The following ZSCAN2 variants were observed in gnomAD, a reference collection of about 807,000 sequenced individuals.
ZSCAN2 encodes zinc finger and SCAN domain-containing protein 2.
ZSCAN2 carries 26 observed loss-of-function variants against 47.8 expected under a neutral mutation model. That is an observed-to-expected ratio of 0.54 (90% confidence interval 0.40 to 0.75). The LOEUF (loss-of-function observed/expected upper bound fraction) is 0.75, where lower values mean the gene tolerates loss of function less well. Ranked by LOEUF, ZSCAN2 falls within the 30% of genes least tolerant of loss-of-function variation. ZSCAN2 has a pLI of 0.00. For missense variants in ZSCAN2, 732 were observed against 785.4 expected, an observed-to-expected ratio of 0.93 and a Z score of 0.81; for synonymous variants, 305 against 288.7, an observed-to-expected ratio of 1.06 and a Z score of -0.57.
chr15:84,621,246 A>G lies in ZSCAN2; in HGVS notation c.1051A>G (p.Thr351Ala). The change falls in exon 3 of 3, where the codon ACG (threonine) becomes GCG (alanine). Residue 351 changes from threonine to alanine, a missense_variant. Physicochemically the swap from Thr to Ala is moderately conservative, Grantham distance 58. Coordinates refer to ENST00000546148, the MANE Select transcript of ZSCAN2 (RefSeq NM_181877.4). The surrounding 1 kb of genome is among the most constrained non-coding windows in gnomAD (Gnocchi z 5.7). ...CTTTGGCAACCGATCCAGCCTTAACACGCATCAGGGGATCCACACTGGAGA... is the reference window on the plus strand; with the variant it reads ...CTTTGGCAACCGATCCAGCCTTAACGCGCATCAGGGGATCCACACTGGAGA... ...KSFGNRSSLNTHQGIHTGEKP... is the reference protein window; with the variant it reads ...KSFGNRSSLNAHQGIHTGEKP... The G allele has an allele frequency of 1.9e-6, 3 of 1,613,788 alleles. No individual in the cohort carries two copies. Among genetic ancestry groups the G allele is most frequent in the Non-Finnish European group, 2.5e-6 (3 of 1,179,932 alleles).
At chr15:84,607,903 C>T (rs1895429986) in intron 2 of ZSCAN2, among the ~76,000 whole-genome samples, 1 of 152,188 alleles carries the variant, frequency 6.6e-6, no homozygotes, top group African/African-American at 2.4e-5. Context: ...AGACCCTCTT[C>T]ATAAAGCTGC....
rs1895807069 is a variant in ZSCAN2, at chr15:84,621,143, C to T, written c.948C>T (p.Ser316=). The T allele has an allele frequency of 6.2e-6, 10 of 1,614,006 alleles. No individual in the cohort carries two copies. The highest frequency in any genetic ancestry group is 6.8e-6 in the Non-Finnish European group (8 of 1,180,036). Residue 316 remains serine, a synonymous_variant, in exon 3 of 3, where the codon AGC becomes AGT. Transcript: ENST00000546148. This position sits in a 1 kb window ranked among gnomAD's most constrained non-coding sequence, Gnocchi z 5.7. ...GTGCCGAGTGTGGCAAGAGCTTCAG[C>T]AGGAGTCCCAACCTCATTGCACATC... ...FQCAECGKSF[S]RSPNLIAHQR... is the part of the protein sequence containing the mutation.
chr15:84,605,533 G>T (rs1895355226), intron 2 of ZSCAN2, among the ~76,000 whole-genome samples: 1 of 152,204 alleles, frequency 6.6e-6, no homozygotes, highest in Non-Finnish European at 1.5e-5. Context: ...GGTGACAGGA[G>T]AGCTGGCAGA....
At chr15:84,616,360 A>G (rs1567011261) in intron 2 of ZSCAN2, 1 of 1,610,470 alleles carries the variant, frequency 6.2e-7, no homozygotes, top group Admixed American at 1.7e-5. Flanking sequence ...TTGCAGCCTC[A>G]CCTCCTTTGC....
chr15:84,619,491 A>C (rs1895769147), intron 2 of ZSCAN2, among the ~76,000 whole-genome samples: 1 of 152,124 alleles, frequency 6.6e-6, no homozygotes, highest in Non-Finnish European at 1.5e-5. Context: ...GGCTCTTTTA[A>C]CAATCCAGTT....
chr15:84,606,518 C>G, intron 2 of ZSCAN2: 1 of 1,596,302 alleles, frequency 6.3e-7, no homozygotes, highest in Non-Finnish European at 8.6e-7. Flanking sequence ...ACCTGTCTCC[C>G]TATTTTACAG....
At chr15:84,602,658 G>T (rs1237830515) in intron 1 of ZSCAN2, among the ~76,000 whole-genome samples, 3 of 144,464 alleles carry the variant, frequency 2.1e-5, no homozygotes, top group African/African-American at 7.8e-5. Context: ...GCACGATCTC[G>T]GCTCACTGCA....
In ZSCAN2 at chr15:84,604,205, A is replaced by T. The variant is rs372179421; in HGVS notation, c.278A>T (p.His93Leu). Residue 93 changes from histidine (H) to leucine (L), a missense_variant, in exon 2 of 3, where the codon CAC (histidine) becomes CTC (leucine). Transcript: ENST00000546148. ...CGGCGCTGGCTGAGACCAGAGGTACACACCAAGGAGCAGATGTTAACCATG... is the reference window on the plus strand; with the variant it reads ...CGGCGCTGGCTGAGACCAGAGGTACTCACCAAGGAGCAGATGTTAACCATG... ...LCRRWLRPEV[H>L]TKEQMLTMLP... 6.2e-7 allele frequency: 1 copy of T among 1,613,782 alleles called. No individual in the cohort carries two copies. The highest frequency in any genetic ancestry group is 8.5e-7 in the Non-Finnish European group (1 of 1,179,958).
intron 2 of ZSCAN2, 23 bp downstream of exon 2, chr15:84,604,356 G>T: frequency 6.3e-7 from 1 of 1,578,588 alleles, no homozygotes; most frequent in South Asian, 1.2e-5. Flanking sequence ...ACCTCATAGG[G>T]AGAGGGCGGG....
At chr15:84,610,886 TG>T (rs1274106004) in intron 2 of ZSCAN2, among the ~76,000 whole-genome samples, 3 of 152,164 alleles carry the variant, frequency 2.0e-5, no homozygotes, top group Non-Finnish European at 4.4e-5. Context: ...TAGCAGATCA[TG>T]AGTCAAAATC....
Position 84,621,922 on chromosome 15 carries a change from A to G in ZSCAN2, c.1727A>G (p.His576Arg). Residue 576 changes from histidine (H) to arginine (R), a missense_variant, in exon 3 of 3, where the codon CAT becomes CGT. Transcript: ENST00000546148. This position sits in a 1 kb window ranked among gnomAD's most constrained non-coding sequence, Gnocchi z 5.7. ...AGCTGGAACTCAGTCCTCATTATAC[A>G]TCAGCGAATCCACACTGGGGAGAAG... ...GFSWNSVLII[H>R]QRIHTGEKPY... 6.2e-7 allele frequency: 1 copy of G among 1,614,188 alleles called. No homozygotes were observed. The highest frequency in any genetic ancestry group is 8.5e-7 in the Non-Finnish European group (1 of 1,180,028).
intron 2 of ZSCAN2, among the ~76,000 whole-genome samples, chr15:84,620,054 A>G (rs1262874467): frequency 2.6e-5 from 4 of 151,290 alleles, no homozygotes; most frequent in African/African-American, 9.7e-5. Context: ...CCACCTAGGT[A>G]TTAAGCCCAG....
intron 1 of ZSCAN2, chr15:84,602,326 C>T (rs1895230995): frequency 6.6e-6 from 1 of 152,080 alleles, no homozygotes; most frequent in South Asian, 2.1e-4. Context: ...TGTGTTTATC[C>T]ATTATTTTCC....
Position 84,622,597 on chromosome 15 carries a change from T to G in ZSCAN2, c.*557T>G. 1 of 717,334 alleles carries G rather than the reference T, an allele frequency of 1.4e-6. No individual in the cohort carries two copies. The highest frequency in any genetic ancestry group is 2.7e-5 in the East Asian group (1 of 37,286). 44.4% of individuals were successfully genotyped at this position (717,334 alleles called of 1,614,324 possible). On this transcript the variant is annotated 3_prime_UTR_variant, in exon 3 of 3. Transcript: ENST00000546148. ...TTTCAGGTCAAGATGGAGGGGCTTC[T>G]CCAGTTCTGAGTCACCCACGTGAAG... is the stretch of plus-strand genomic sequence containing the variant.
chr15:84,601,822 A>G (rs1444001200), intron 1 of ZSCAN2, among the ~76,000 whole-genome samples: 2 of 152,156 alleles, frequency 1.3e-5, no homozygotes, highest in Non-Finnish European at 2.9e-5. Context: ...CTGGAATTAC[A>G]GGCGTGAGCT....
chr15:84,617,675 G>A (rs1375963421), intron 2 of ZSCAN2, among the ~76,000 whole-genome samples: 1 of 152,152 alleles, frequency 6.6e-6, no homozygotes, highest in East Asian at 1.9e-4. Context: ...GGTGGCTTAT[G>A]CCTATCATCC....
At chr15:84,602,105 C>T (rs1895222795) in intron 1 of ZSCAN2, 1 of 152,212 alleles carries the variant, frequency 6.6e-6, no homozygotes, top group Non-Finnish European at 1.5e-5. Flanking sequence ...GGGCATGCGC[C>T]ACCACGCCTG....
chr15:84,619,153 T>C lies in ZSCAN2; in HGVS notation c.407-1449T>C, dbSNP rs551803551. 5.2e-4 allele frequency among the ~76,000 whole-genome samples: 79 copies of C among 152,132 alleles called. 1 individual carries two copies. Among genetic ancestry groups the C allele is most frequent in the South Asian group, 1.5e-3 (7 of 4,790 alleles). On this transcript the variant is annotated intron_variant, in intron 2 of 2. Transcript: ENST00000546148. The stretch of plus-strand genomic sequence containing the variant: ...TACCAATTAAAGATCTATTCATGGC[T>C]GGGCGCGGTGGCTCACGCCTGTAAT...
intron 2 of ZSCAN2, among the ~76,000 whole-genome samples, chr15:84,613,164 A>T (rs527701609): frequency 2.0e-5 from 3 of 152,310 alleles, no homozygotes; most frequent in Non-Finnish European, 4.4e-5. Context: ...CATAGTCATT[A>T]TACAGATTAT....
Sources: allele counts gnomAD v4.1 joint callset (sites outside exome capture counted in the v4.1 genomes callset), GRCh38; gene constraint gnomAD v4.1.1; non-coding constraint Gnocchi (gnomAD v3.1); transcripts MANE v1.5; gene names NCBI Gene and HGNC (gene_info 2026-07-23, HGNC 2026-07-21).